The following SCRG1 variants were observed in gnomAD, a reference collection of about 807,000 sequenced individuals.
SCRG1 encodes scrapie-responsive protein 1.
A neutral mutation model predicts 7.7 loss-of-function variants in SCRG1; 3 were observed. That is an observed-to-expected ratio of 0.39 (90% CI 0.18 to 1.01). The LOEUF is 1.01. Ranked by LOEUF, SCRG1 falls within the 50% of genes least tolerant of loss-of-function variation. The pLI is 0.36. For synonymous variants in SCRG1, 46 were observed against 41.2 expected (o/e 1.12, Z -0.44); for missense variants, 110 against 117.2 (o/e 0.94, Z 0.28).
chr4:173,430,948 G>A, the SCRG1 span, among the ~76,000 whole-genome samples: 4 of 151,916 alleles, frequency 2.6e-5, no homozygotes, highest in Non-Finnish European at 5.9e-5. Context: ...GTTTACAAAG[G>A]TGAAAATAAT....
the SCRG1 span, among the ~76,000 whole-genome samples, chr4:173,483,579 TA>T: frequency 3.4e-5 from 3 of 87,564 alleles, 1 homozygote; most frequent in African/African-American, 1.4e-4. Flanking sequence ...ATATATAATA[TA>T]TATGATATAT....
intron 1 of SCRG1, 45 bp downstream of exon 1, chr4:173,399,023 G>C (rs1488207315): frequency 1.3e-5 from 2 of 152,198 alleles, no homozygotes; most frequent in African/African-American, 4.8e-5. Flanking sequence ...CTTTGGAGTA[G>C]AACAACTGAC....
At chr4:173,433,377 A>G in the SCRG1 span, among the ~76,000 whole-genome samples, 1 of 152,214 alleles carries the variant, frequency 6.6e-6, no homozygotes, top group Admixed American at 6.5e-5. Context: ...TGACCTTCCA[A>G]AAAACATAGT....
At chr4:173,499,564 T>C in the SCRG1 span, among the ~76,000 whole-genome samples, 1 of 152,194 alleles carries the variant, frequency 6.6e-6, no homozygotes, top group Non-Finnish European at 1.5e-5. The surrounding 1 kb of genome is among the most constrained non-coding windows in gnomAD (Gnocchi z 4.1). Flanking sequence ...TATTCTTCAG[T>C]AAATATTTAG....
chr4:173,485,893 T>C, the SCRG1 span, among the ~76,000 whole-genome samples: 4 of 152,066 alleles, frequency 2.6e-5, no homozygotes, highest in African/African-American at 9.7e-5. Flanking sequence ...TCTCTTGAAC[T>C]TGGGAGGTGG....
the SCRG1 span, among the ~76,000 whole-genome samples, chr4:173,483,224 ATATT>A: frequency 1.2e-5 from 1 of 82,566 alleles, no homozygotes; most frequent in Admixed American, 2.0e-4. Context: ...TATAATATAT[ATATT>A]ATATATAATA....
chr4:173,487,462 A>G, the SCRG1 span, among the ~76,000 whole-genome samples: 6 of 152,248 alleles, frequency 3.9e-5, no homozygotes, highest in Admixed American at 1.3e-4. Flanking sequence ...CTCAGAAGAC[A>G]TGATTTGGGA....
intron 2 of SCRG1, among the ~76,000 whole-genome samples, chr4:173,389,293 G>A (rs1739340308): frequency 6.6e-6 from 1 of 152,060 alleles, no homozygotes; most frequent in Non-Finnish European, 1.5e-5. Context: ...CCAGCACTTT[G>A]GGAGGCCAAG....
the SCRG1 span, among the ~76,000 whole-genome samples, chr4:173,484,351 A>ATATAATG: frequency 1.5e-5 from 1 of 64,920 alleles, no homozygotes; most frequent in Non-Finnish European, 2.8e-5. Context: ...ATTATATAAT[A>ATATAATG]TATAATATAT....
chr4:173,441,955 A>G, the SCRG1 span, among the ~76,000 whole-genome samples: 1 of 152,224 alleles, frequency 6.6e-6, no homozygotes, highest in South Asian at 2.1e-4. Flanking sequence ...CGTAAAATCC[A>G]TAGCAAAGGA....
At chr4:173,434,530 G>T in the SCRG1 span, among the ~76,000 whole-genome samples, 44,734 of 151,952 alleles carry the variant, frequency 0.29, 6,878 homozygotes, top group South Asian at 0.47. Context: ...AAAATATTTG[G>T]TTTAATAAAT....
chr4:173,472,759 T>C, the SCRG1 span, among the ~76,000 whole-genome samples: 1 of 152,172 alleles, frequency 6.6e-6, no homozygotes, highest in African/African-American at 2.4e-5. Flanking sequence ...GGGAAATCTT[T>C]TTTGCTGAGA....
chr4:173,414,546 C>T, the SCRG1 span, among the ~76,000 whole-genome samples: 4,022 of 152,222 alleles, frequency 0.026, 167 homozygotes, highest in African/African-American at 0.087. Flanking sequence ...GGAAAGGTTA[C>T]GCTGCCAAGC....
chr4:173,507,779 G>A, the SCRG1 span, among the ~76,000 whole-genome samples: 1 of 152,210 alleles, frequency 6.6e-6, no homozygotes, highest in Admixed American at 6.5e-5. The surrounding 1 kb of genome is among the most constrained non-coding windows in gnomAD (Gnocchi z 4.4). Context: ...AGTTGCGGGA[G>A]GGCTGGCTGG....
the SCRG1 span, among the ~76,000 whole-genome samples, chr4:173,482,481 C>G: frequency 6.6e-6 from 1 of 152,084 alleles, no homozygotes; most frequent in Non-Finnish European, 1.5e-5. Flanking sequence ...GTCCATTGAT[C>G]TGGGCTGGCC....
the SCRG1 span, among the ~76,000 whole-genome samples, chr4:173,483,071 ATT>A: frequency 1.2e-5 from 1 of 84,150 alleles, no homozygotes; most frequent in African/African-American, 4.4e-5. Flanking sequence ...TTTCATGTAT[ATT>A]TTATATATAT....
chr4:173,485,482 C>T, the SCRG1 span, among the ~76,000 whole-genome samples: 1 of 151,702 alleles, frequency 6.6e-6, no homozygotes, highest in Non-Finnish European at 1.5e-5. Context: ...TGATCCCAGA[C>T]AAACCCAGCA....
At chr4:173,439,371 A>T in the SCRG1 span, among the ~76,000 whole-genome samples, 323 of 152,140 alleles carry the variant, frequency 2.1e-3, 1 homozygote, top group Non-Finnish European at 3.9e-3. Flanking sequence ...TACAAATTTT[A>T]AAAAACTAGT....
chr4:173,388,103 T>C lies in SCRG1; in HGVS notation c.*238A>G, dbSNP rs537334552. 4 of 446,940 alleles carry C rather than the reference T, an allele frequency of 8.9e-6. No homozygotes were observed. The highest frequency in any genetic ancestry group is 4.8e-5 in the South Asian group (1 of 20,890). 27.7% of individuals were successfully genotyped at this position (446,940 alleles called of 1,614,324 possible). A position where few individuals can be genotyped will look rare whatever the true frequency, so the allele number is the denominator to read the frequency against. The stretch of plus-strand genomic sequence containing the variant: ...TTAACTGAGTATAATGAACACCTCA[T>C]AGATTACATTTTCTAGGCAAAATTT... On this transcript the variant is annotated 3_prime_UTR_variant, in exon 3 of 3. Transcript: ENST00000296506.
Sources: allele counts gnomAD v4.1 joint callset (sites outside exome capture counted in the v4.1 genomes callset), GRCh38; gene constraint gnomAD v4.1.1; non-coding constraint Gnocchi (gnomAD v3.1); transcripts MANE v1.5; gene names NCBI Gene and HGNC (gene_info 2026-07-23, HGNC 2026-07-21).